TNIK: variants seen among roughly 807,000 people sequenced by gnomAD.
TNIK encodes TRAF2 and NCK-interacting protein kinase.
TNIK carries 49 observed loss-of-function variants against 191.3 expected under a neutral mutation model. The ratio of observed to expected loss-of-function variants is 0.26; its 90% CI spans 0.20 to 0.32. TNIK has a LOEUF of 0.32. TNIK is among the 10% of genes least tolerant of loss of function. The pLI is 1.00. For synonymous variants in TNIK, 594 were observed against 600.9 expected, an observed-to-expected ratio of 0.99 and a Z score of 0.17; for missense variants, 1,155 against 1,702.3, an observed-to-expected ratio of 0.68 and a Z score of 5.66.
chr3:171,205,382 T>C (rs1435283902), intron 4 of TNIK, among the ~76,000 whole-genome samples: 1 of 152,236 alleles, frequency 6.6e-6, no homozygotes, highest in African/African-American at 2.4e-5. Flanking sequence ...AGCAGCCCTC[T>C]GCATAGACGC....
At chr3:171,214,761 T>G (rs1044656936) in intron 3 of TNIK, among the ~76,000 whole-genome samples, 6 of 152,214 alleles carry the variant, frequency 3.9e-5, no homozygotes, top group African/African-American at 1.4e-4. Flanking sequence ...ACCTCAGCCA[T>G]GGCATTTAAA....
At chr3:171,329,212 T>A (rs1756140274) in intron 2 of TNIK, among the ~76,000 whole-genome samples, 1 of 152,220 alleles carries the variant, frequency 6.6e-6, no homozygotes, top group South Asian at 2.1e-4. Context: ...TCGTTCATAA[T>A]GCCTGGTCCC....
chr3:171,357,748 G>A (rs964925833), intron 2 of TNIK, among the ~76,000 whole-genome samples: 1 of 152,120 alleles, frequency 6.6e-6, no homozygotes, highest in Non-Finnish European at 1.5e-5. Flanking sequence ...TGAACCAAGT[G>A]TTAAGGATAT....
intron 1 of TNIK, among the ~76,000 whole-genome samples, chr3:171,421,994 T>A (rs1723863982): frequency 6.6e-6 from 1 of 152,096 alleles, no homozygotes; most frequent in Non-Finnish European, 1.5e-5. Flanking sequence ...CCTCCCAAAT[T>A]GCTGAGATTA....
At chr3:171,401,898 C>T (rs1721002588) in intron 1 of TNIK, among the ~76,000 whole-genome samples, 1 of 152,176 alleles carries the variant, frequency 6.6e-6, no homozygotes, top group Admixed American at 6.5e-5. Flanking sequence ...ATTGTCATTG[C>T]TACAACCACT....
chr3:171,063,976 T>G lies in TNIK; in HGVS notation c.4000-12A>C. ...GATGCAAAAAATACCTGTTTGAAAT[T>G]AAAAAGAAGTTAGTTCAACTGCATG... On this transcript the variant is annotated splice_polypyrimidine_tract_variant and intron_variant, in intron 32 of 32. Transcript: ENST00000436636. The G allele has an allele frequency of 6.2e-7, 1 of 1,612,788 alleles. No homozygotes were observed. The highest frequency in any genetic ancestry group is 8.5e-7 in the Non-Finnish European group (1 of 1,179,232).
At chr3:171,314,169 T>C (rs1490018492) in intron 2 of TNIK, among the ~76,000 whole-genome samples, 1 of 152,216 alleles carries the variant, frequency 6.6e-6, no homozygotes, top group Non-Finnish European at 1.5e-5. Flanking sequence ...TTTCTGTTGC[T>C]GGAGTCCCTT....
At chr3:171,273,569 C>T (rs915821695) in intron 2 of TNIK, among the ~76,000 whole-genome samples, 21 of 152,056 alleles carry the variant, frequency 1.4e-4, no homozygotes, top group Admixed American at 2.0e-4. Flanking sequence ...GGTATTTTCA[C>T]GCATGGATAG....
chr3:171,241,335 T>TA (rs1209719287), intron 2 of TNIK, among the ~76,000 whole-genome samples: 1 of 152,212 alleles, frequency 6.6e-6, no homozygotes, highest in African/African-American at 2.4e-5. Context: ...TAAAAATTCA[T>TA]AGCACTTCTT....
intron 2 of TNIK, among the ~76,000 whole-genome samples, chr3:171,241,427 C>G (rs984524993): frequency 6.6e-6 from 1 of 152,116 alleles, no homozygotes; most frequent in African/African-American, 2.4e-5. Flanking sequence ...AAGATTTTTC[C>G]AGGTTGTATT....
chr3:171,207,631 C>G (rs934395511), intron 4 of TNIK, among the ~76,000 whole-genome samples: 2 of 152,146 alleles, frequency 1.3e-5, no homozygotes, highest in African/African-American at 4.8e-5. Flanking sequence ...TGATAATGAG[C>G]TGGAGGATAA....
chr3:171,103,232 ATGTATTTGCTCCATCTG>A (rs1321744220), intron 21 of TNIK, among the ~76,000 whole-genome samples: 2 of 152,098 alleles, frequency 1.3e-5, no homozygotes, highest in Non-Finnish European at 2.9e-5. Flanking sequence ...ATCTCGGTGA[ATGTATTTGCTCCATCTG>A]TGAAAGTGAA....
intron 1 of TNIK, among the ~76,000 whole-genome samples, chr3:171,410,001 C>A (rs541970572): frequency 2.6e-5 from 4 of 151,856 alleles, no homozygotes; most frequent in African/African-American, 9.7e-5. Context: ...TTATATTCAC[C>A]ACAATTTTGT....
At chr3:171,102,386 T>G (rs1723720495) in intron 21 of TNIK, among the ~76,000 whole-genome samples, 1 of 152,216 alleles carries the variant, frequency 6.6e-6, no homozygotes, top group South Asian at 2.1e-4. Context: ...GAGATAATTT[T>G]GAGTTTTCCA....
At chr3:171,150,523 G>A (rs937141696) in intron 12 of TNIK, among the ~76,000 whole-genome samples, 5 of 152,154 alleles carry the variant, frequency 3.3e-5, no homozygotes, top group African/African-American at 9.7e-5. Context: ...TTTAGATATT[G>A]TTAGGAAATG....
chr3:171,227,795 C>T (rs138632250), intron 3 of TNIK, among the ~76,000 whole-genome samples: 39 of 152,240 alleles, frequency 2.6e-4, no homozygotes, highest in Non-Finnish European at 4.1e-4. Context: ...GTTCAACTTA[C>T]GATTTTTTTT....
At chr3:171,266,701 G>C (rs1382208131) in intron 2 of TNIK, among the ~76,000 whole-genome samples, 2 of 152,078 alleles carry the variant, frequency 1.3e-5, no homozygotes, top group Non-Finnish European at 2.9e-5. Flanking sequence ...TATACAAAAG[G>C]AACCAAGCAG....
At chr3:171,288,011 C>A (rs1473361796) in intron 2 of TNIK, among the ~76,000 whole-genome samples, 1 of 150,658 alleles carries the variant, frequency 6.6e-6, no homozygotes, top group Non-Finnish European at 1.5e-5. Flanking sequence ...AGTTCATGTC[C>A]TTTGTAGGGA....
chr3:171,082,626 T>C (rs1391052334), intron 26 of TNIK: 4 of 485,178 alleles, frequency 8.2e-6, no homozygotes, highest in Non-Finnish European at 1.4e-5. Context: ...TACATCTAGT[T>C]ATTTACTACC....
Sources: gnomAD v4.1 joint callset for allele counts (sites outside exome capture counted in the v4.1 genomes callset) on GRCh38, gnomAD v4.1.1 for gene constraint, MANE v1.5 for transcripts, NCBI Gene and HGNC (gene_info 2026-07-23, HGNC 2026-07-21) for gene names.